The following SLC9A8 variants were observed in gnomAD, a reference collection of about 807,000 sequenced individuals.
SLC9A8 encodes solute carrier family 9 member A8.
Under a neutral mutation model 66.6 loss-of-function variants are expected in SLC9A8, and 48 were observed. The observed-to-expected ratio is 0.72, with a 90% CI of 0.57 to 0.92. The LOEUF (loss-of-function observed/expected upper bound fraction) is 0.92. SLC9A8 is among the 40% of genes least tolerant of loss of function. SLC9A8 has a pLI of 0.00. For missense variants in SLC9A8, 599 were observed against 747.3 expected, an observed-to-expected ratio of 0.80 and a Z score of 2.31; for synonymous variants, 274 against 282.6, an observed-to-expected ratio of 0.97 and a Z score of 0.31.
rs1479055075 is a variant in SLC9A8, at chr20:49,834,214, T to TATATACAC, written c.290-5326_290-5325insTATACACA. Among the ~76,000 whole-genome samples the TATATACAC allele has an allele frequency of 5.4e-4, 60 of 112,142 alleles. 2 individuals are homozygous for TATATACAC. Among genetic ancestry groups the TATATACAC allele is most frequent in the African/African-American group, 2.0e-3 (52 of 26,076 alleles). The allele number at this position is 112,142 out of a possible 152,430, so 73.6% of individuals were successfully genotyped here. On this transcript the variant is annotated intron_variant, in intron 3 of 15. Coordinates refer to ENST00000361573, the MANE Select transcript of SLC9A8 (RefSeq NM_015266.3). ...ATATATATATATATATATATATATA[T>TATATACAC]ACACACACACACTATGTATATACAC...
chr20:49,841,673 C>G (rs111518483), intron 4 of SLC9A8, among the ~76,000 whole-genome samples: 1 of 152,144 alleles, frequency 6.6e-6, no homozygotes, highest in Admixed American at 6.5e-5. Flanking sequence ...TCACTGCAAC[C>G]TCTGCCTCCC....
chr20:49,830,650 G>T, intron 3 of SLC9A8: 2 of 637,142 alleles, frequency 3.1e-6, no homozygotes, highest in Admixed American at 5.4e-5. Flanking sequence ...GGAGACAGGG[G>T]CCTATAGGAG....
intron 3 of SLC9A8, chr20:49,830,207 G>T: frequency 1.2e-6 from 1 of 817,922 alleles, no homozygotes; most frequent in African/African-American, 1.7e-5. Flanking sequence ...GCACGGCCGT[G>T]AATGGCAGCA....
At chr20:49,840,253 TA>T (rs1397477107) in intron 4 of SLC9A8, among the ~76,000 whole-genome samples, 1 of 152,192 alleles carries the variant, frequency 6.6e-6, no homozygotes, top group East Asian at 1.9e-4. Flanking sequence ...TTAAAGAGGT[TA>T]TTAGAATATG....
At chr20:49,877,225 C>T (rs904489295) in intron 11 of SLC9A8, among the ~76,000 whole-genome samples, 2 of 151,408 alleles carry the variant, frequency 1.3e-5, no homozygotes, top group East Asian at 1.9e-4. Context: ...ACCCAGGAGG[C>T]GGAGGTTGCA....
At chr20:49,818,201 T>C (rs2086623737) in intron 2 of SLC9A8, among the ~76,000 whole-genome samples, 3 of 152,232 alleles carry the variant, frequency 2.0e-5, no homozygotes, top group Non-Finnish European at 2.9e-5. Context: ...CCAGTGTTAA[T>C]ACATCTTTGG....
chr20:49,823,609 C>T (rs2086818868), intron 3 of SLC9A8, among the ~76,000 whole-genome samples: 1 of 152,096 alleles, frequency 6.6e-6, no homozygotes. Flanking sequence ...GAGCATTGTG[C>T]TCTACCCCAC....
At chr20:49,814,950 T>C in intron 1 of SLC9A8, 58 bp from the exon 2 acceptor site, 1 of 1,347,308 alleles carries the variant, frequency 7.4e-7, no homozygotes, top group South Asian at 1.5e-5. Flanking sequence ...GTGAGGTGTG[T>C]GAATTGATGT....
intron 7 of SLC9A8, among the ~76,000 whole-genome samples, chr20:49,851,727 G>A (rs1375195013): frequency 1.3e-5 from 2 of 152,150 alleles, no homozygotes; most frequent in African/African-American, 4.8e-5. Context: ...CCCAGCCCAG[G>A]ACAATTTTGG....
At chr20:49,843,867 C>A (rs61030917) in intron 4 of SLC9A8, among the ~76,000 whole-genome samples, 1 of 152,004 alleles carries the variant, frequency 6.6e-6, no homozygotes. Flanking sequence ...AGACTGATGC[C>A]CTTGCTGGGG....
At chr20:49,869,385 A>G (rs913909169) in intron 10 of SLC9A8, among the ~76,000 whole-genome samples, 20 of 148,252 alleles carry the variant, frequency 1.3e-4, no homozygotes, top group African/African-American at 4.7e-4. Context: ...CGCCCGACTA[A>G]TTTTTTTTTT....
chr20:49,874,838 T>C lies in SLC9A8; in HGVS notation c.1075+17T>C. The C allele has an allele frequency of 6.5e-7, 1 of 1,547,860 alleles. No homozygotes were observed. The highest frequency in any genetic ancestry group is 2.2e-5 in the East Asian group (1 of 44,578). ...TCTTATGTGGTGAGTTCTGCTTCTG[T>C]GTGGCCGTGAGCAGGCCCACCCAGA... On this transcript the variant is annotated intron_variant, in intron 11 of 15. Transcript: ENST00000361573.
intron 2 of SLC9A8, among the ~76,000 whole-genome samples, chr20:49,819,026 T>C (rs1266320998): frequency 6.6e-6 from 1 of 152,242 alleles, no homozygotes; most frequent in Non-Finnish European, 1.5e-5. Flanking sequence ...TGTTCCTCTT[T>C]GTTGAGAAGG....
intron 5 of SLC9A8, 146 bp from the exon 6 acceptor site, chr20:49,849,433 C>T (rs539813442): frequency 6.3e-6 from 4 of 635,172 alleles, no homozygotes; most frequent in Non-Finnish European, 1.1e-5. Context: ...GGAAGACTCC[C>T]GGGCTCCCAG....
intron 3 of SLC9A8, chr20:49,830,645 C>CTT (rs1568805110): frequency 1.6e-6 from 1 of 633,322 alleles, no homozygotes; most frequent in East Asian, 2.8e-5. Context: ...CAGCTGGAGA[C>CTT]AGGGGCCTAT....
intron 3 of SLC9A8, among the ~76,000 whole-genome samples, chr20:49,833,385 A>G (rs1203918265): frequency 6.6e-6 from 1 of 152,252 alleles, no homozygotes; most frequent in Non-Finnish European, 1.5e-5. Context: ...GATAATGTCT[A>G]AATGGCAAAA....
At chr20:49,852,502 T>C (rs2088294855) in intron 7 of SLC9A8, among the ~76,000 whole-genome samples, 1 of 152,232 alleles carries the variant, frequency 6.6e-6, no homozygotes, top group South Asian at 2.1e-4. Context: ...TAGTGATATC[T>C]TGTTGGAGAG....
intron 10 of SLC9A8, among the ~76,000 whole-genome samples, chr20:49,871,726 T>C (rs753312010): frequency 1.3e-5 from 2 of 152,152 alleles, no homozygotes; most frequent in Non-Finnish European, 2.9e-5. Flanking sequence ...GACCCCACAC[T>C]AGCCCAGGGT....
In SLC9A8 at chr20:49,881,019, C is replaced by A; in HGVS notation, c.1254C>A (p.Phe418Leu). Residue 418 changes from phenylalanine (F) to leucine (L), a missense_variant, in exon 13 of 16, where the codon TTC becomes TTA. By Grantham distance (22) the Phe-to-Leu change is conservative. Transcript: ENST00000361573. ...ATAAAATCACACCGAAGATGATGTT[C>A]ATCATGTGGTTTAGTGGTAAGTCAA... The part of the protein sequence containing the change: ...RDHKITPKMM[F>L]IMWFSGLRGA... The A allele has an allele frequency of 1.2e-6, 2 of 1,611,584 alleles. No homozygotes were observed. Among genetic ancestry groups the A allele is most frequent in the South Asian group, 2.2e-5 (2 of 90,992 alleles).
Sources: allele counts gnomAD v4.1 joint callset (sites outside exome capture counted in the v4.1 genomes callset), GRCh38; gene constraint gnomAD v4.1.1; transcripts MANE v1.5; gene names NCBI Gene and HGNC (gene_info 2026-07-23, HGNC 2026-07-21).